Variants in PLCE1 observed in about 807,000 individuals in gnomAD.
PLCE1 encodes the protein phospholipase C epsilon 1.
In PLCE1, 119 loss-of-function variants were observed where a neutral mutation model predicts 242.8. The ratio of observed to expected loss-of-function variants is 0.49; its 90% confidence interval spans 0.42 to 0.57. The LOEUF (loss-of-function observed/expected upper bound fraction) is 0.57, where lower values mean the gene tolerates loss of function less well. Among genes scored for constraint, PLCE1 ranks in the 20% least tolerant of loss-of-function variants. The pLI, the probability that PLCE1 is intolerant of heterozygous loss-of-function variation, is 0.00. For synonymous variants in PLCE1, 945 were observed against 1,017.4 expected (o/e 0.93, Z 1.35); for missense variants, 2,441 against 2,788.8 (o/e 0.88, Z 2.81).
intron 14 of PLCE1, among the ~76,000 whole-genome samples, chr10:94,264,958 T>C (rs182298353): frequency 6.6e-6 from 1 of 152,314 alleles, no homozygotes; most frequent in African/African-American, 2.4e-5. Flanking sequence ...TAAGACCCTG[T>C]CTCTAAAACA....
At chr10:94,290,841 A>G (rs2052620868) in intron 22 of PLCE1, among the ~76,000 whole-genome samples, 1 of 152,202 alleles carries the variant, frequency 6.6e-6, no homozygotes, top group Non-Finnish European at 1.5e-5. Context: ...ACATAATTGT[A>G]TGTGCTAGAC....
At chr10:94,321,132 C>G (rs1228805230) in intron 29 of PLCE1, among the ~76,000 whole-genome samples, 1 of 152,170 alleles carries the variant, frequency 6.6e-6, no homozygotes, top group Non-Finnish European at 1.5e-5. Flanking sequence ...ATTCATTCAG[C>G]CTTGTCACTG....
At chr10:94,153,602 T>C (rs1386389835) in intron 3 of PLCE1, among the ~76,000 whole-genome samples, 1 of 152,152 alleles carries the variant, frequency 6.6e-6, no homozygotes, top group African/African-American at 2.4e-5. Flanking sequence ...AGTAAGACTA[T>C]TTCTATTATC....
At chr10:94,019,838 A>G (rs1464028755) in intron 1 of PLCE1, among the ~76,000 whole-genome samples, 1 of 152,218 alleles carries the variant, frequency 6.6e-6, no homozygotes, top group Non-Finnish European at 1.5e-5. Context: ...TGTTTGTTAT[A>G]TAATGGAAAT....
chr10:94,321,765 A>G, intron 29 of PLCE1, 136 bp from the exon 30 acceptor site: 1 of 665,038 alleles, frequency 1.5e-6, no homozygotes, highest in Non-Finnish European at 2.6e-6. Flanking sequence ...TTTATGAAAT[A>G]ATAACATAGT....
At chr10:94,022,443 G>A (rs1433344405) in intron 1 of PLCE1, among the ~76,000 whole-genome samples, 1 of 151,786 alleles carries the variant, frequency 6.6e-6, no homozygotes, top group African/African-American at 2.4e-5. Context: ...GTCTATGTGT[G>A]TATATGCATA....
At chr10:94,023,956 G>A (rs2061418336) in intron 1 of PLCE1, among the ~76,000 whole-genome samples, 1 of 152,094 alleles carries the variant, frequency 6.6e-6, no homozygotes, top group Admixed American at 6.6e-5. Context: ...GTTTTAAGAG[G>A]TTTGTTTCCT....
intron 29 of PLCE1, 115 bp from the exon 30 acceptor site, chr10:94,321,786 T>C: frequency 1.4e-6 from 1 of 736,686 alleles, no homozygotes; most frequent in Non-Finnish European, 2.3e-6. Flanking sequence ...ATATGAGATA[T>C]TAAGCTAAGA....
chr10:94,206,608 A>G (rs2049164986), intron 4 of PLCE1, among the ~76,000 whole-genome samples: 1 of 152,232 alleles, frequency 6.6e-6, no homozygotes, highest in Non-Finnish European at 1.5e-5. Flanking sequence ...AACCGTGGAC[A>G]GTGGACAAAT....
chr10:94,198,697 G>A (rs2048901264), intron 4 of PLCE1, among the ~76,000 whole-genome samples: 1 of 152,162 alleles, frequency 6.6e-6, no homozygotes, highest in Non-Finnish European at 1.5e-5. Context: ...AGCAGAAATA[G>A]AATCTTACAG....
Position 94,123,832 on chromosome 10 carries a change from G to A in PLCE1, c.1207-8342G>A, listed in dbSNP as rs145330955. Among the ~76,000 whole-genome samples the A allele has an allele frequency of 1.3e-3, 197 of 152,270 alleles. 1 individual carries two copies. Among genetic ancestry groups the A allele is most frequent in the African/African-American group, 3.9e-3 (163 of 41,538 alleles). Reference sequence around the variant, plus strand: ...TCATGCTGTGAGAGGCCCCTGCGTTGTTACCACCTATTAACTCACAGGTGA... The same window carrying A: ...TCATGCTGTGAGAGGCCCCTGCGTTATTACCACCTATTAACTCACAGGTGA... On this transcript the variant is annotated intron_variant, in intron 2 of 32. Coordinates refer to ENST00000371380, the MANE Select transcript of PLCE1 (RefSeq NM_016341.4).
chr10:94,243,736 A>T (rs2137468960), intron 7 of PLCE1, among the ~76,000 whole-genome samples: 2 of 152,312 alleles, frequency 1.3e-5, no homozygotes, highest in South Asian at 4.1e-4. Flanking sequence ...CCCCCTAGAG[A>T]AAACTACTAT....
At chr10:94,145,186 A>C (rs1272190453) in intron 3 of PLCE1, among the ~76,000 whole-genome samples, 1 of 152,256 alleles carries the variant, frequency 6.6e-6, no homozygotes, top group East Asian at 1.9e-4. Context: ...ATAAATGACT[A>C]TTCTGAAATA....
intron 4 of PLCE1, among the ~76,000 whole-genome samples, chr10:94,179,512 G>GTTTTTTGTTTTTTTTTT (rs1554877548): frequency 1.0e-4 from 2 of 19,398 alleles, no homozygotes; most frequent in African/African-American, 3.2e-4. Flanking sequence ...TTTTAGTTTA[G>GTTTTTTGTTTTTTTTTT]TTTTTTTTTT....
At chr10:94,060,565 G>T (rs959038028) in intron 2 of PLCE1, among the ~76,000 whole-genome samples, 6 of 152,050 alleles carry the variant, frequency 3.9e-5, no homozygotes, top group Admixed American at 3.9e-4. Flanking sequence ...CAAGAAAATT[G>T]CAAGGATTAG....
At chr10:94,310,596 C>T (rs1237926754) in intron 27 of PLCE1, among the ~76,000 whole-genome samples, 1 of 152,094 alleles carries the variant, frequency 6.6e-6, no homozygotes, top group Non-Finnish European at 1.5e-5. Flanking sequence ...AAGGGCAGGG[C>T]CGCGTGGTAC....
chr10:93,999,752 C>T (rs1333692692), intron 1 of PLCE1, among the ~76,000 whole-genome samples: 1 of 143,724 alleles, frequency 7.0e-6, no homozygotes, highest in African/African-American at 2.7e-5. Flanking sequence ...TGGCTCTGCT[C>T]CCGCCTCTGC....
At position 94,211,080 on chromosome 10, in the gene PLCE1, C is replaced by T. The variant is rs576219844; in HGVS notation, c.1810-16226C>T. 3.9e-5 allele frequency among the ~76,000 whole-genome samples: 6 copies of T among 152,352 alleles called. No homozygotes were observed. In the South Asian group the frequency reaches 1.2e-3, roughly 32 times the overall value. ...CCGTTCAGCCTGCTGAGAGCTGTGT[C>T]GTGGGAGGCCCTAGGCTGGACACCC... On this transcript the variant is annotated intron_variant, in intron 4 of 32. Coordinates refer to ENST00000371380, the MANE Select transcript of PLCE1 (RefSeq NM_016341.4).
intron 23 of PLCE1, among the ~76,000 whole-genome samples, chr10:94,296,731 G>T (rs2133502601): frequency 6.6e-6 from 1 of 152,272 alleles, no homozygotes; most frequent in Admixed American, 6.5e-5. Flanking sequence ...CACTGGAGTA[G>T]CACTTTTAAT....
Sources: allele counts gnomAD v4.1 joint callset (sites outside exome capture counted in the v4.1 genomes callset), GRCh38; gene constraint gnomAD v4.1.1; transcripts MANE v1.5; gene names NCBI Gene and HGNC (gene_info 2026-07-23, HGNC 2026-07-21).